LRRC56: variants seen among roughly 807,000 people sequenced by gnomAD.
The protein encoded by LRRC56 is leucine rich repeat containing 56.
LRRC56 carries 41 observed loss-of-function variants against 47.8 expected under a neutral mutation model. That is an observed-to-expected ratio of 0.86 (90% CI 0.67 to 1.11). LRRC56 has a LOEUF of 1.11. Ranked by LOEUF, LRRC56 falls within the 50% of genes most tolerant of loss-of-function variation. The pLI is 0.00. For synonymous variants in LRRC56, 387 were observed against 311.2 expected (o/e 1.24, Z -2.56); for missense variants, 759 against 704.2 (o/e 1.08, Z -0.88).
chr11:514,743 A>G, the LRRC56 span, among the ~76,000 whole-genome samples: 1 of 152,214 alleles, frequency 6.6e-6, no homozygotes, highest in African/African-American at 2.4e-5. Flanking sequence ...GCACTGTGGT[A>G]TAAACATAAC....
chr11:531,776 T>C, the LRRC56 span, among the ~76,000 whole-genome samples: 1 of 152,206 alleles, frequency 6.6e-6, no homozygotes, highest in Non-Finnish European at 1.5e-5. Context: ...CACAGACCGC[T>C]TCAGGCCACA....
the LRRC56 span, among the ~76,000 whole-genome samples, chr11:527,087 G>A: frequency 1.3e-5 from 2 of 152,092 alleles, no homozygotes; most frequent in African/African-American, 4.8e-5. Context: ...AGATCATGAG[G>A]TCAGGAGCTC....
chr11:550,057 C>A lies in LRRC56; in HGVS notation c.424-15C>A. On this transcript the variant is annotated splice_polypyrimidine_tract_variant and intron_variant, in intron 7 of 13. Coordinates refer to ENST00000270115, the MANE Select transcript of LRRC56 (RefSeq NM_198075.4). ...GGCTGGGCCGGGCCCTGGCTCAGAG[C>A]CCCGCGCTGCCCAGGAACTCTACGC... 1 of 1,611,166 alleles carries A rather than the reference C, an allele frequency of 6.2e-7. No homozygotes were observed. The highest frequency in any genetic ancestry group is 1.7e-5 in the Admixed American group (1 of 59,942).
the LRRC56 span, among the ~76,000 whole-genome samples, chr11:510,924 A>G: frequency 6.6e-6 from 1 of 151,786 alleles, no homozygotes; most frequent in Non-Finnish European, 1.5e-5. Context: ...AATAAATAAT[A>G]TGTTTGTCTG....
At chr11:519,198 G>A in the LRRC56 span, among the ~76,000 whole-genome samples, 1 of 152,244 alleles carries the variant, frequency 6.6e-6, no homozygotes, top group African/African-American at 2.4e-5. Context: ...CCCCTGAGCC[G>A]CGCGCATTCC....
chr11:512,316 A>C, the LRRC56 span, among the ~76,000 whole-genome samples: 1 of 151,136 alleles, frequency 6.6e-6, no homozygotes, highest in Non-Finnish European at 1.5e-5. Flanking sequence ...GCTCACTGCA[A>C]CCTCTGCATC....
rs71022928 is a variant in LRRC56 at position 542,580 on chromosome 11, C to CAAAAAAAAAA, written c.265+971_265+980dup. On this transcript the variant is annotated intron_variant, in intron 5 of 13. Coordinates refer to ENST00000270115, the MANE Select transcript of LRRC56 (RefSeq NM_198075.4). ...TGGGCGACAGAGCAAAACCCTGTCGCAAAAAAAAAAAAAAAAAAAAAAAAC... is the reference window on the plus strand; with the variant it reads ...TGGGCGACAGAGCAAAACCCTGTCGCAAAAAAAAAAAAAAAAAAAAAAAAAAAAAAAAAAC... 3.1e-4 allele frequency among the ~76,000 whole-genome samples: 8 copies of CAAAAAAAAAA among 25,998 alleles called. 1 individual carries two copies. Among genetic ancestry groups the CAAAAAAAAAA allele is most frequent in the African/African-American group, 1.3e-3 (6 of 4,656 alleles). The allele number at this position is 25,998 out of a possible 152,430, so 17.1% of individuals were successfully genotyped here.
upstream of LRRC56, chr11:532,637 C>T: frequency 6.2e-7 from 1 of 1,611,392 alleles, no homozygotes; most frequent in East Asian, 2.2e-5. Flanking sequence ...TCACCTGCGT[C>T]AGGAGAGCAC....
intron 6 of LRRC56, 60 bp from the exon 7 acceptor site, chr11:549,842 C>T (rs1392048609): frequency 6.8e-7 from 1 of 1,465,026 alleles, no homozygotes; most frequent in African/African-American, 1.4e-5. Flanking sequence ...CAGCCAAAGG[C>T]AGGTGGTGGC....
At chr11:550,588 AC>A (rs1852333845) in intron 8 of LRRC56, among the ~76,000 whole-genome samples, 1 of 152,020 alleles carries the variant, frequency 6.6e-6, no homozygotes, top group African/African-American at 2.4e-5. Flanking sequence ...GTGCACACAC[AC>A]ACCTGTGTAC....
the LRRC56 span, among the ~76,000 whole-genome samples, chr11:524,496 T>C: frequency 3.4e-4 from 52 of 151,984 alleles, no homozygotes; most frequent in Non-Finnish European, 7.4e-4. Context: ...TCAGGCATGG[T>C]CGCAGGTGCC....
chr11:532,318 G>A, the LRRC56 span: 1 of 506,978 alleles, frequency 2.0e-6, no homozygotes, highest in East Asian at 3.4e-5. Flanking sequence ...GGGGAGCTAA[G>A]GGCTGGGGTT....
upstream of LRRC56, chr11:533,484 G>A (rs745637518): frequency 2.5e-6 from 4 of 1,613,612 alleles, no homozygotes; most frequent in Non-Finnish European, 3.4e-6. Flanking sequence ...CTCGATGTAG[G>A]GGATGCCGTA....
chr11:507,049 G>A, the LRRC56 span: 1 of 152,222 alleles, frequency 6.6e-6, no homozygotes, highest in Non-Finnish European at 1.5e-5. Context: ...TCTACAAGAA[G>A]CCCGACCAAG....
chr11:531,853 G>C, the LRRC56 span, among the ~76,000 whole-genome samples: 1 of 152,358 alleles, frequency 6.6e-6, no homozygotes, highest in Non-Finnish European at 1.5e-5. Context: ...ATTCTTGGCA[G>C]GTGCATTTCA....
the LRRC56 span, among the ~76,000 whole-genome samples, chr11:508,672 C>T: frequency 6.6e-6 from 1 of 151,598 alleles, no homozygotes; most frequent in African/African-American, 2.4e-5. Flanking sequence ...GAGGCTGAGG[C>T]AGGAGAATCG....
the LRRC56 span, among the ~76,000 whole-genome samples, chr11:510,931 T>A: frequency 6.6e-6 from 1 of 151,452 alleles, no homozygotes; most frequent in Non-Finnish European, 1.5e-5. Flanking sequence ...AATATGTTTG[T>A]CTGAAAGTGC....
chr11:539,768 G>C (rs976840070), intron 3 of LRRC56, 42 bp downstream of exon 3: 4 of 152,428 alleles, frequency 2.6e-5, no homozygotes, highest in African/African-American at 7.2e-5. Flanking sequence ...CTGGGCTTAG[G>C]AAGAATGGGA....
chr11:548,880 C>A (rs1461677898), intron 6 of LRRC56, among the ~76,000 whole-genome samples: 1 of 152,216 alleles, frequency 6.6e-6, no homozygotes, highest in East Asian at 1.9e-4. Flanking sequence ...TGACACCCAG[C>A]CTAATGGCTG....
Sources: allele counts gnomAD v4.1 joint callset (sites outside exome capture counted in the v4.1 genomes callset), GRCh38; gene constraint gnomAD v4.1.1; transcripts MANE v1.5; gene names NCBI Gene and HGNC (gene_info 2026-07-23, HGNC 2026-07-21).